SMYD3: variants seen among roughly 807,000 people sequenced by gnomAD.
SMYD3 encodes histone-lysine N-methyltransferase SMYD3.
In SMYD3, 36 loss-of-function variants were observed where a neutral mutation model predicts 57.7. The observed-to-expected ratio is 0.62, with a 90% CI of 0.48 to 0.82. The LOEUF (loss-of-function observed/expected upper bound fraction) is 0.82. SMYD3 is among the 40% of genes least tolerant of loss of function. The pLI, the probability that SMYD3 is intolerant of heterozygous loss-of-function variation, is 0.00. For missense variants in SMYD3, 515 were observed against 538.8 expected (o/e 0.96, Z 0.44); for synonymous variants, 211 against 195.0 (o/e 1.08, Z -0.68).
intron 5 of SMYD3, among the ~76,000 whole-genome samples, chr1:246,008,465 C>T (rs554479516): frequency 1.2e-4 from 19 of 152,198 alleles, no homozygotes; most frequent in Non-Finnish European, 1.9e-4. Context: ...TCTGGGCTTC[C>T]CCTCCCTCGG....
At chr1:246,494,955 G>C (rs997368606) in intron 1 of SMYD3, among the ~76,000 whole-genome samples, 1 of 152,108 alleles carries the variant, frequency 6.6e-6, no homozygotes, top group Non-Finnish European at 1.5e-5. Flanking sequence ...CTTAGCCCTT[G>C]GATATAAAGG....
chr1:246,343,721 G>C (rs934536814), intron 2 of SMYD3, among the ~76,000 whole-genome samples: 27 of 152,296 alleles, frequency 1.8e-4, no homozygotes, highest in African/African-American at 6.5e-4. Context: ...TGTTGAATTT[G>C]ATGCTAAGAT....
In SMYD3 at chr1:245,936,480, G is replaced by A. The variant is rs375062095; in HGVS notation, c.532-6543C>T. Among the ~76,000 whole-genome samples, 3 of 152,080 alleles carry A rather than the reference G, an allele frequency of 2.0e-5. No individual in the cohort carries two copies. In the East Asian group the frequency reaches 5.8e-4, roughly 29 times the overall value. On this transcript the variant is annotated intron_variant, in intron 5 of 11. Coordinates refer to ENST00000490107, the MANE Select transcript of SMYD3 (RefSeq NM_001167740.2). ...TCTTATAATCGAGAAAAAGAACATA[G>A]AAGTCATGAAACATAATCCAGCTGG...
rs146830838 is a variant in SMYD3 at position 246,491,520 on chromosome 1, A to G, written c.164+15534T>C. Among the ~76,000 whole-genome samples the G allele has an allele frequency of 8.0e-3, 1,214 of 151,644 alleles. 11 individuals carry two copies. Among genetic ancestry groups the G allele is most frequent in the African/African-American group, 0.027 (1,133 of 41,208 alleles). ...GCACCATTGCACTCCAGCCTCGGCA[A>G]CAAGAGCGAAACTTCGTCTCAAATA... is the stretch of plus-strand genomic sequence containing the variant. On this transcript the variant is annotated intron_variant, in intron 1 of 11. Coordinates refer to ENST00000490107, the MANE Select transcript of SMYD3 (RefSeq NM_001167740.2).
intron 1 of SMYD3, among the ~76,000 whole-genome samples, chr1:246,481,611 CATACATATATACAT>C (rs1246796792): frequency 2.0e-4 from 7 of 35,400 alleles, no homozygotes; most frequent in East Asian, 1.1e-3. Context: ...TATATATACA[CATACATATATACAT>C]ACATACATAC....
At chr1:246,453,150 G>T (rs2067654786) in intron 1 of SMYD3, among the ~76,000 whole-genome samples, 1 of 152,198 alleles carries the variant, frequency 6.6e-6, no homozygotes, top group South Asian at 2.1e-4. Context: ...TACAGAGGGA[G>T]AGAGCAAGGC....
In SMYD3 at chr1:246,356,243, G is replaced by A. The variant is rs114385131; in HGVS notation, c.165-1149C>T. On this transcript the variant is annotated intron_variant, in intron 1 of 11. Transcript: ENST00000490107. ...GGGAAGCTCCATCCCTGGGGGAGGAGGGAGAACACCACATCAAGGGAGAAC... is the reference window on the plus strand; with the variant it reads ...GGGAAGCTCCATCCCTGGGGGAGGAAGGAGAACACCACATCAAGGGAGAAC... 9.1e-3 allele frequency among the ~76,000 whole-genome samples: 1,392 copies of A among 152,206 alleles called. 26 individuals carry two copies. Among genetic ancestry groups the A allele is most frequent in the African/African-American group, 0.031 (1,290 of 41,510 alleles).
chr1:246,379,051 T>G (rs1415669355), intron 1 of SMYD3, among the ~76,000 whole-genome samples: 4 of 131,928 alleles, frequency 3.0e-5, no homozygotes, highest in African/African-American at 8.3e-5. Context: ...TATATATTAT[T>G]AAGTATATAT....
intron 1 of SMYD3, among the ~76,000 whole-genome samples, chr1:246,361,556 G>C (rs2065986861): frequency 6.6e-6 from 1 of 152,142 alleles, no homozygotes; most frequent in African/African-American, 2.4e-5. Context: ...ATGCCCATCA[G>C]TCAACAAATG....
intron 5 of SMYD3, among the ~76,000 whole-genome samples, chr1:246,097,753 T>C (rs1350434543): frequency 6.6e-6 from 1 of 152,086 alleles, no homozygotes; most frequent in East Asian, 1.9e-4. Context: ...CATATCAATA[T>C]GATGTAGAGG....
rs1572159928 is a variant in SMYD3 at position 246,176,800 on chromosome 1, G to C, written c.531+150401C>G. On this transcript the variant is annotated intron_variant, in intron 5 of 11. Coordinates refer to ENST00000490107, the MANE Select transcript of SMYD3 (RefSeq NM_001167740.2). The stretch of plus-strand genomic sequence containing the variant: ...GGCCTCCCAAAGTGTTGGGATTACA[G>C]ATGTGAGCCACCACACCAGCCTATA... Among the ~76,000 whole-genome samples, 5 of 152,320 alleles carry C rather than the reference G, an allele frequency of 3.3e-5. No individual in the cohort carries two copies. In the South Asian group the frequency reaches 1.0e-3, roughly 32 times the overall value.
intron 9 of SMYD3, among the ~76,000 whole-genome samples, chr1:245,862,533 T>C (rs1284824246): frequency 6.6e-6 from 1 of 152,182 alleles, no homozygotes; most frequent in African/African-American, 2.4e-5. Context: ...GATTCTATCA[T>C]CCCACCTCTA....
intron 8 of SMYD3, among the ~76,000 whole-genome samples, chr1:245,880,428 C>T (rs12041538): frequency 0.16 from 25,081 of 152,144 alleles, 2,873 homozygotes; most frequent in East Asian, 0.6. Context: ...CCTTGAATCA[C>T]TCCTTGGTAG....
intron 1 of SMYD3, among the ~76,000 whole-genome samples, chr1:246,449,189 G>A (rs10802407): frequency 0.23 from 35,221 of 151,934 alleles, 4,573 homozygotes; most frequent in Non-Finnish European, 0.29. Context: ...CCATGATCAC[G>A]CCCCTGCACT....
intron 1 of SMYD3, among the ~76,000 whole-genome samples, chr1:246,408,705 T>A (rs1234615934): frequency 7.8e-6 from 1 of 127,648 alleles, no homozygotes. Flanking sequence ...AGTCTAGCTC[T>A]CTCACCCAGG....
chr1:246,427,243 T>C lies in SMYD3; in HGVS notation c.165-72149A>G, dbSNP rs188997332. Among the ~76,000 whole-genome samples the C allele has an allele frequency of 9.9e-5, 15 of 152,278 alleles. No homozygotes were observed. The East Asian group carries it at 2.9e-3, about 29-fold the overall frequency. ...CTAAAGGACTTCTAATATTAAACATTAAAATAGTGGCTCACGCCTGTAATC... is the reference window on the plus strand; with the variant it reads ...CTAAAGGACTTCTAATATTAAACATCAAAATAGTGGCTCACGCCTGTAATC... On this transcript the variant is annotated intron_variant, in intron 1 of 11. Coordinates refer to ENST00000490107, the MANE Select transcript of SMYD3 (RefSeq NM_001167740.2).
At chr1:246,464,202 G>A (rs1157825191) in intron 1 of SMYD3, among the ~76,000 whole-genome samples, 1 of 152,100 alleles carries the variant, frequency 6.6e-6, no homozygotes, top group East Asian at 1.9e-4. Flanking sequence ...TGTCAGTAGA[G>A]AGAGAAAAAG....
chr1:245,844,165 G>A (rs1443582218), intron 10 of SMYD3, among the ~76,000 whole-genome samples: 1 of 152,128 alleles, frequency 6.6e-6, no homozygotes, highest in Non-Finnish European at 1.5e-5. Context: ...ATTTACAGCA[G>A]GTATCCCTCT....
intron 5 of SMYD3, among the ~76,000 whole-genome samples, chr1:246,289,678 A>G (rs1397461925): frequency 1.3e-5 from 2 of 152,176 alleles, no homozygotes; most frequent in African/African-American, 2.4e-5. Context: ...TGCTTGGTGC[A>G]GTGCATGGCA....
Sources: gnomAD v4.1 joint callset for allele counts (sites outside exome capture counted in the v4.1 genomes callset) on GRCh38, gnomAD v4.1.1 for gene constraint, MANE v1.5 for transcripts, NCBI Gene and HGNC (gene_info 2026-07-23, HGNC 2026-07-21) for gene names.